CLYBL: variants seen among roughly 807,000 people sequenced by gnomAD.
CLYBL encodes the protein citramalyl-CoA lyase, mitochondrial.
CLYBL carries 31 observed loss-of-function variants against 38.9 expected under a neutral mutation model. The observed-to-expected ratio is 0.80, with a 90% CI of 0.60 to 1.08. CLYBL has a LOEUF of 1.08. Among genes scored for constraint, CLYBL ranks in the 50% least tolerant of loss-of-function variants. CLYBL has a pLI of 0.00. For synonymous variants in CLYBL, 171 were observed against 158.6 expected (o/e 1.08, Z -0.59); for missense variants, 434 against 411.6 (o/e 1.05, Z -0.47).
At chr13:99,689,438 A>G (rs984966151) in intron 1 of CLYBL, among the ~76,000 whole-genome samples, 3 of 152,218 alleles carry the variant, frequency 2.0e-5, no homozygotes, top group Non-Finnish European at 1.5e-5. Flanking sequence ...AAAAGCAAAA[A>G]TTACTTAGTG....
At chr13:99,607,592 T>G (rs2046548120) in intron 1 of CLYBL, among the ~76,000 whole-genome samples, 1 of 152,196 alleles carries the variant, frequency 6.6e-6, no homozygotes, top group Admixed American at 6.5e-5. Flanking sequence ...TTTGGTTCCC[T>G]TGACCACCAT....
At chr13:99,664,187 T>C (rs1356737172) in intron 1 of CLYBL, among the ~76,000 whole-genome samples, 1 of 152,214 alleles carries the variant, frequency 6.6e-6, no homozygotes, top group East Asian at 1.9e-4. Context: ...CTGGGACCAA[T>C]CCCCTTGGAC....
intron 1 of CLYBL, among the ~76,000 whole-genome samples, chr13:99,682,099 C>T (rs1164314549): frequency 6.6e-6 from 1 of 152,104 alleles, no homozygotes; most frequent in African/African-American, 2.4e-5. Context: ...CATGTAGCTA[C>T]TGAATACTGT....
intron 2 of CLYBL, among the ~76,000 whole-genome samples, chr13:99,819,444 ATATATATATATATATATAT>A (rs1566340166): frequency 0.011 from 967 of 88,670 alleles, 58 homozygotes; most frequent in African/African-American, 0.033. Flanking sequence ...ATATATATAT[ATATATATATATATATATAT>A]ATATAATATT....
intron 1 of CLYBL, among the ~76,000 whole-genome samples, chr13:99,679,258 C>A (rs2047697711): frequency 6.8e-6 from 1 of 147,466 alleles, no homozygotes; most frequent in Middle Eastern, 3.6e-3. Context: ...TGCGCCACAG[C>A]ACTCCAGCCT....
downstream of CLYBL, among the ~76,000 whole-genome samples, chr13:99,897,683 C>T (rs1457663106): frequency 2.6e-5 from 4 of 152,130 alleles, no homozygotes; most frequent in African/African-American, 7.2e-5. Context: ...CAGTGACTTA[C>T]GCCTGTAATC....
At chr13:99,671,284 G>T (rs966246900) in intron 1 of CLYBL, among the ~76,000 whole-genome samples, 9 of 152,106 alleles carry the variant, frequency 5.9e-5, no homozygotes, top group African/African-American at 2.2e-4. Context: ...GTCAATTTTT[G>T]TTTTTTGTTT....
chr13:99,777,132 G>A (rs986281589), intron 2 of CLYBL, among the ~76,000 whole-genome samples: 4 of 151,952 alleles, frequency 2.6e-5, no homozygotes, highest in Admixed American at 6.6e-5. Context: ...GCCCACCTCC[G>A]CCTCCCAAAG....
At chr13:99,763,249 A>C (rs981786717) in intron 1 of CLYBL, among the ~76,000 whole-genome samples, 3 of 152,140 alleles carry the variant, frequency 2.0e-5, no homozygotes, top group African/African-American at 7.2e-5. Context: ...CTTGTTCTAG[A>C]TCTTAGAGGA....
chr13:99,608,658 A>G (rs1424962810), intron 1 of CLYBL, among the ~76,000 whole-genome samples: 2 of 152,204 alleles, frequency 1.3e-5, no homozygotes, highest in Non-Finnish European at 2.9e-5. Flanking sequence ...GGGTTAACTC[A>G]GTGCTCCTCA....
chr13:99,779,822 G>A (rs12877095), intron 2 of CLYBL, among the ~76,000 whole-genome samples: 89,475 of 151,864 alleles, frequency 0.59, 27,418 homozygotes, highest in Middle Eastern at 0.72. Context: ...GAGCTCTAGC[G>A]TAGTGACATG....
chr13:99,895,740 T>C (rs2052567711), downstream of CLYBL: 2 of 152,186 alleles, frequency 1.3e-5, no homozygotes, highest in Admixed American at 1.3e-4. Context: ...GCCCACGACG[T>C]AAAGAGCGAC....
intron 7 of CLYBL, among the ~76,000 whole-genome samples, chr13:99,884,216 C>T (rs898167473): frequency 6.6e-6 from 1 of 152,122 alleles, no homozygotes; most frequent in Non-Finnish European, 1.5e-5. Flanking sequence ...GCCAACTGAC[C>T]AGTGAATATT....
intron 1 of CLYBL, among the ~76,000 whole-genome samples, chr13:99,739,203 C>T (rs545483304): frequency 9.9e-5 from 15 of 151,812 alleles, no homozygotes; most frequent in Non-Finnish European, 1.8e-4. Context: ...TTTCAGTGTT[C>T]GTAATATGAA....
At chr13:99,684,116 A>G (rs2047782440) in intron 1 of CLYBL, among the ~76,000 whole-genome samples, 1 of 135,650 alleles carries the variant, frequency 7.4e-6, no homozygotes, top group African/African-American at 2.8e-5. Context: ...TCCTGACCTT[A>G]TGATCTGCCC....
chr13:99,762,877 C>T (rs2049191924), intron 1 of CLYBL, among the ~76,000 whole-genome samples: 1 of 151,950 alleles, frequency 6.6e-6, no homozygotes, highest in African/African-American at 2.4e-5. Flanking sequence ...GTAGAGAGAT[C>T]TTTTATTTAT....
chr13:99,708,454 A>T (rs906676679), intron 1 of CLYBL, among the ~76,000 whole-genome samples: 1 of 152,194 alleles, frequency 6.6e-6, no homozygotes, highest in Non-Finnish European at 1.5e-5. Context: ...GAACACTGAG[A>T]TGATATAGTG....
chr13:99,745,888 GA>G (rs11419451), intron 1 of CLYBL, among the ~76,000 whole-genome samples: 9 of 147,786 alleles, frequency 6.1e-5, no homozygotes, highest in African/African-American at 1.7e-4. Flanking sequence ...TGGCTAAATA[GA>G]AAAAAAAAAA....
At chr13:99,783,638 A>ATAGCAGAGATGG (rs1259375325) in intron 2 of CLYBL, among the ~76,000 whole-genome samples, 1 of 151,442 alleles carries the variant, frequency 6.6e-6, no homozygotes, top group African/African-American at 2.4e-5. Context: ...TTGTATTTTT[A>ATAGCAGAGATGG]GTTTCACCTT....
Sources: allele counts gnomAD v4.1 joint callset (sites outside exome capture counted in the v4.1 genomes callset), GRCh38; gene constraint gnomAD v4.1.1; transcripts MANE v1.5; gene names NCBI Gene and HGNC (gene_info 2026-07-23, HGNC 2026-07-21).